The following CDH4 variants were observed in gnomAD, a reference collection of about 807,000 sequenced individuals.
The protein encoded by CDH4 is cadherin 4.
CDH4 carries 33 observed loss-of-function variants against 86.0 expected under a neutral mutation model. The observed-to-expected ratio is 0.38, with a 90% CI of 0.29 to 0.51. The LOEUF (loss-of-function observed/expected upper bound fraction) is 0.51, where lower values mean the gene tolerates loss of function less well. CDH4 is among the 20% of genes least tolerant of loss of function. The pLI, the probability that CDH4 is intolerant of heterozygous loss-of-function variation, is 0.86. For missense variants in CDH4, 1,114 were observed against 1,307.4 expected (o/e 0.85, Z 2.28); for synonymous variants, 555 against 549.4 (o/e 1.01, Z -0.14).
In CDH4 at chr20:61,674,022, G is replaced by A. The variant is rs563483596; in HGVS notation, c.170-69541G>A. On this transcript the variant is annotated intron_variant, in intron 2 of 15. Transcript: ENST00000614565. ...GAAGTCCTCAAAAGAAGGCCTGATC[G>A]GGAACAAACCTGTTTTTCACATGAC... is the stretch of plus-strand genomic sequence containing the variant. Among the ~76,000 whole-genome samples the A allele has an allele frequency of 7.2e-4, 110 of 152,274 alleles. 1 individual carries two copies. Among genetic ancestry groups the A allele is most frequent in the African/African-American group, 2.5e-3 (103 of 41,548 alleles).
intron 2 of CDH4, among the ~76,000 whole-genome samples, chr20:61,419,295 C>G (rs1409725342): frequency 6.6e-6 from 1 of 152,206 alleles, no homozygotes; most frequent in African/African-American, 2.4e-5. Context: ...TCATCAGTTT[C>G]TATCGTACCC....
intron 2 of CDH4, among the ~76,000 whole-genome samples, chr20:61,650,817 G>A (rs4925265): frequency 0.37 from 56,649 of 152,220 alleles, 11,463 homozygotes; most frequent in Non-Finnish European, 0.46. Flanking sequence ...AATTAGCTCC[G>A]TCTCTCTTGC....
At chr20:61,462,234 C>T (rs2085448200) in intron 2 of CDH4, among the ~76,000 whole-genome samples, 1 of 152,176 alleles carries the variant, frequency 6.6e-6, no homozygotes, top group Non-Finnish European at 1.5e-5. Context: ...TGCGGAAGTT[C>T]TGCCTTTATT....
At chr20:61,905,036 A>G (rs1476950484) in intron 8 of CDH4, among the ~76,000 whole-genome samples, 2 of 152,142 alleles carry the variant, frequency 1.3e-5, no homozygotes, top group African/African-American at 4.8e-5. Context: ...CCCTCGTAGG[A>G]AGACAAAATC....
intron 2 of CDH4, among the ~76,000 whole-genome samples, chr20:61,282,515 A>C (rs1258387163): frequency 1.3e-5 from 2 of 151,104 alleles, no homozygotes; most frequent in Non-Finnish European, 2.9e-5. Context: ...CTCTGAACAA[A>C]CCACTTTTAA....
At chr20:61,814,443 C>A (rs1209419279) in intron 4 of CDH4, among the ~76,000 whole-genome samples, 1 of 152,188 alleles carries the variant, frequency 6.6e-6, no homozygotes, top group East Asian at 1.9e-4. Context: ...GAGGCTGCGG[C>A]CGCTCGACGA....
intron 2 of CDH4, among the ~76,000 whole-genome samples, chr20:61,313,621 C>T: frequency 6.6e-6 from 1 of 152,330 alleles, no homozygotes; most frequent in Non-Finnish European, 1.5e-5. Context: ...CTGGGAACAT[C>T]ACAGGGGTGG....
Position 61,527,272 on chromosome 20 carries a change from G to T in CDH4, c.170-216291G>T, listed in dbSNP as rs2085917969. 2.6e-5 allele frequency among the ~76,000 whole-genome samples: 4 copies of T among 151,096 alleles called. No homozygotes were observed. In the South Asian group the frequency reaches 6.3e-4, roughly 24 times the overall value. On this transcript the variant is annotated intron_variant, in intron 2 of 15. Coordinates refer to ENST00000614565, the MANE Select transcript of CDH4 (RefSeq NM_001794.5). Reference sequence around the variant, plus strand: ...CATAAGAGCTTTTTTTTTTTTTGAGGCAGAGTCTCACTCTGTTGCCCAGGC... The same window carrying T: ...CATAAGAGCTTTTTTTTTTTTTGAGTCAGAGTCTCACTCTGTTGCCCAGGC...
At chr20:61,667,564 CAT>C (rs1367696113) in intron 2 of CDH4, among the ~76,000 whole-genome samples, 2 of 152,244 alleles carry the variant, frequency 1.3e-5, no homozygotes, top group Admixed American at 1.3e-4. Flanking sequence ...ACCAGCTGCA[CAT>C]GTGAGCATAC....
chr20:61,293,226 A>G (rs2084333256), intron 2 of CDH4, among the ~76,000 whole-genome samples: 2 of 152,208 alleles, frequency 1.3e-5, no homozygotes, highest in South Asian at 4.2e-4. Flanking sequence ...CTCTCCCCAC[A>G]TGCACGTAGT....
At chr20:61,690,137 T>A (rs1173403262) in intron 2 of CDH4, among the ~76,000 whole-genome samples, 2 of 147,674 alleles carry the variant, frequency 1.4e-5, no homozygotes, top group Admixed American at 1.3e-4. Context: ...GTGGGGACAC[T>A]GGTTGGTGAG....
chr20:61,778,334 G>C (rs1978357842), intron 4 of CDH4, among the ~76,000 whole-genome samples: 1 of 152,172 alleles, frequency 6.6e-6, no homozygotes, highest in African/African-American at 2.4e-5. Context: ...GCTCATTAAG[G>C]CATTTCATTC....
chr20:61,425,231 C>G (rs879266947), intron 2 of CDH4, among the ~76,000 whole-genome samples: 16 of 152,232 alleles, frequency 1.1e-4, no homozygotes, highest in Admixed American at 1.0e-3. Context: ...AACCCTCACC[C>G]TGAGCAGGGC....
rs552446205 is a variant in CDH4, at chr20:61,650,881, C to G, written c.170-92682C>G. Reference sequence around the variant, plus strand: ...TAGCAGGGGGTTTAATCAACACTTCCATACACAGATTATCTATATAATTAT... The same window carrying G: ...TAGCAGGGGGTTTAATCAACACTTCGATACACAGATTATCTATATAATTAT... On this transcript the variant is annotated intron_variant, in intron 2 of 15. Coordinates refer to ENST00000614565, the MANE Select transcript of CDH4 (RefSeq NM_001794.5). 2.0e-5 allele frequency among the ~76,000 whole-genome samples: 3 copies of G among 152,364 alleles called. No homozygotes were observed. The East Asian group carries it at 5.8e-4, about 29-fold the overall frequency.
intron 2 of CDH4, among the ~76,000 whole-genome samples, chr20:61,562,363 C>T (rs1285971271): frequency 2.1e-5 from 3 of 141,862 alleles, no homozygotes; most frequent in East Asian, 2.2e-4. Flanking sequence ...GAGGGACCTC[C>T]GTGTGGAGAG....
intron 2 of CDH4, among the ~76,000 whole-genome samples, chr20:61,573,060 G>GGATT (rs1261947882): frequency 6.6e-6 from 1 of 151,464 alleles, no homozygotes; most frequent in Non-Finnish European, 1.5e-5. Flanking sequence ...ATGGATGGAT[G>GGATT]GATGGATGGA....
rs527491352 is a variant in CDH4 at position 61,652,407 on chromosome 20, A to C, written c.170-91156A>C. Among the ~76,000 whole-genome samples the C allele has an allele frequency of 5.3e-5, 8 of 152,322 alleles. No homozygotes were observed. In the South Asian group the frequency reaches 1.7e-3, roughly 32 times the overall value. Reference sequence around the variant, plus strand: ...TGCACACCTGCTGTTTTATACATTTACATCACTATTTTAAATGACTGAATT... The same window carrying C: ...TGCACACCTGCTGTTTTATACATTTCCATCACTATTTTAAATGACTGAATT... On this transcript the variant is annotated intron_variant, in intron 2 of 15. Transcript: ENST00000614565.
chr20:61,285,128 G>T (rs141031695), intron 2 of CDH4, among the ~76,000 whole-genome samples: 1 of 151,828 alleles, frequency 6.6e-6, no homozygotes. Flanking sequence ...AGAGGAAAAC[G>T]GCCCCTGGCC....
At chr20:61,791,328 C>A (rs1240767241) in intron 4 of CDH4, among the ~76,000 whole-genome samples, 1 of 152,242 alleles carries the variant, frequency 6.6e-6, no homozygotes, top group Non-Finnish European at 1.5e-5. Flanking sequence ...CCAGAGCAGT[C>A]TCCTTGATTG....
Sources: allele counts gnomAD v4.1 joint callset (sites outside exome capture counted in the v4.1 genomes callset), GRCh38; gene constraint gnomAD v4.1.1; transcripts MANE v1.5; gene names NCBI Gene and HGNC (gene_info 2026-07-23, HGNC 2026-07-21).